NRXN3: variants seen among roughly 807,000 people sequenced by gnomAD.
NRXN3 encodes neurexin 3.
In NRXN3, 32 loss-of-function variants were observed where a neutral mutation model predicts 137.6. The observed-to-expected ratio is 0.23, with a 90% CI of 0.18 to 0.31. The LOEUF (loss-of-function observed/expected upper bound fraction) is 0.31. Ranked by LOEUF, NRXN3 falls within the 10% of genes least tolerant of loss-of-function variation. The pLI is 1.00. For missense variants in NRXN3, 1,574 were observed against 2,062.5 expected (o/e 0.76, Z 4.59); for synonymous variants, 798 against 784.5 (o/e 1.02, Z -0.29).
rs1331134811 is a variant in NRXN3 at position 78,953,756 on chromosome 14, T to TA, written c.2276-3486_2276-3485insA. 4.6e-5 allele frequency among the ~76,000 whole-genome samples: 7 copies of TA among 152,004 alleles called. No individual in the cohort carries two copies. The East Asian group carries it at 1.4e-3, about 29-fold the overall frequency. On this transcript the variant is annotated intron_variant, in intron 10 of 20. Coordinates refer to ENST00000335750, the MANE Select transcript of NRXN3 (RefSeq NM_001330195.2). The stretch of plus-strand genomic sequence containing the variant: ...AGCAGCCTCAAGAGAATCAAAGGAT[T>TA]TTTTTTTGTGATCAATATTTATTAC...
intron 4 of NRXN3, among the ~76,000 whole-genome samples, chr14:78,448,178 C>T (rs1260286848): frequency 3.3e-5 from 5 of 152,208 alleles, no homozygotes; most frequent in African/African-American, 1.2e-4. Context: ...TTATGATCTC[C>T]TTGCACGGTG....
At chr14:79,055,417 G>A (rs2099657307) in intron 15 of NRXN3, among the ~76,000 whole-genome samples, 3 of 152,142 alleles carry the variant, frequency 2.0e-5, no homozygotes, top group South Asian at 4.1e-4. Flanking sequence ...ATCTCGGCTT[G>A]GTAGTGATGG....
chr14:78,357,892 A>G (rs1320940811), intron 4 of NRXN3, among the ~76,000 whole-genome samples: 2 of 152,196 alleles, frequency 1.3e-5, no homozygotes, highest in African/African-American at 4.8e-5. Flanking sequence ...GCTAACTTAG[A>G]TTGAGTGTGT....
intron 3 of NRXN3, among the ~76,000 whole-genome samples, chr14:78,284,773 G>T (rs1191324087): frequency 6.6e-6 from 1 of 152,046 alleles, no homozygotes; most frequent in East Asian, 1.9e-4. Context: ...TGCCCTTTGT[G>T]CTTGCAGTCA....
At chr14:78,900,130 C>T (rs2099190722) in intron 10 of NRXN3, among the ~76,000 whole-genome samples, 1 of 151,974 alleles carries the variant, frequency 6.6e-6, no homozygotes. Flanking sequence ...CATCTATGCC[C>T]ATTTCCATTT....
In NRXN3 at chr14:79,851,460, C is replaced by T. The variant is rs562558846; in HGVS notation, c.4094-9882C>T. The stretch of plus-strand genomic sequence containing the variant: ...AAACCAGAGACTAAAAATCTTGGTA[C>T]GGACTGACCCATGGGGACACATTGC... On this transcript the variant is annotated intron_variant, in intron 20 of 20. Coordinates refer to ENST00000335750, the MANE Select transcript of NRXN3 (RefSeq NM_001330195.2). Among the ~76,000 whole-genome samples, 8 of 152,004 alleles carry T rather than the reference C, an allele frequency of 5.3e-5. No homozygotes were observed. The South Asian group carries it at 8.3e-4, about 16-fold the overall frequency.
In NRXN3 at chr14:78,933,503, T is replaced by A. The variant is rs964292605; in HGVS notation, c.2276-23739T>A. On this transcript the variant is annotated intron_variant, in intron 10 of 20. Coordinates refer to ENST00000335750, the MANE Select transcript of NRXN3 (RefSeq NM_001330195.2). The stretch of plus-strand genomic sequence containing the variant: ...AAACATTGGGGGTTCTCTGCAACTG[T>A]TTTTTATTTTAAGTGGTAAAGTTGC... Among the ~76,000 whole-genome samples the A allele has an allele frequency of 2.0e-5, 3 of 152,344 alleles. No homozygotes were observed. The South Asian group carries it at 6.2e-4, about 32-fold the overall frequency.
chr14:79,451,145 A>G (rs1201297393), intron 15 of NRXN3, among the ~76,000 whole-genome samples: 1 of 147,188 alleles, frequency 6.8e-6, no homozygotes, highest in Non-Finnish European at 1.5e-5. Context: ...ATGTGTCAGG[A>G]GGGGCTCAGC....
At chr14:79,355,290 A>C (rs1599073784) in intron 15 of NRXN3, among the ~76,000 whole-genome samples, 2 of 143,692 alleles carry the variant, frequency 1.4e-5, no homozygotes, top group African/African-American at 2.7e-5. Flanking sequence ...TGTCCCTCCA[A>C]CTCTTCTTCA....
intron 8 of NRXN3, among the ~76,000 whole-genome samples, chr14:78,733,385 T>C (rs1476887592): frequency 6.6e-6 from 1 of 152,154 alleles, no homozygotes; most frequent in Admixed American, 6.6e-5. Context: ...TTTAGACTTA[T>C]ATTTTGTGTT....
In NRXN3 at chr14:79,302,669, C is replaced by A. The variant is rs1231673940; in HGVS notation, c.3263-164552C>A. 1.3e-5 allele frequency among the ~76,000 whole-genome samples: 2 copies of A among 151,856 alleles called. 1 individual carries two copies. Among genetic ancestry groups the A allele is most frequent in the African/African-American group, 4.8e-5 (2 of 41,366 alleles). On this transcript the variant is annotated intron_variant, in intron 15 of 20. Transcript: ENST00000335750. Reference sequence around the variant, plus strand: ...AGGGCAGTTTCCCCCATCCTGTTCTCATGATGGTGAGTTCTCAGGAGGTTT... The same window carrying A: ...AGGGCAGTTTCCCCCATCCTGTTCTAATGATGGTGAGTTCTCAGGAGGTTT...
At chr14:78,187,742 G>A (rs2060355613) in intron 1 of NRXN3, among the ~76,000 whole-genome samples, 1 of 150,316 alleles carries the variant, frequency 6.7e-6, no homozygotes, top group Non-Finnish European at 1.5e-5. Flanking sequence ...AGCTGAAGAA[G>A]TGAGAGTCGG....
At chr14:79,298,831 TA>T (rs1347318056) in intron 15 of NRXN3, 1 of 152,226 alleles carries the variant, frequency 6.6e-6, no homozygotes, top group African/African-American at 2.4e-5. Context: ...GGTGCTACAC[TA>T]AAGAAGAGTT....
At chr14:79,626,613 G>T (rs1256839362) in intron 16 of NRXN3, among the ~76,000 whole-genome samples, 1 of 152,148 alleles carries the variant, frequency 6.6e-6, no homozygotes, top group Non-Finnish European at 1.5e-5. Flanking sequence ...GTGTTGAAGA[G>T]AATGAAATAT....
At chr14:79,853,934 C>A in intron 20 of NRXN3, 1 of 990,080 alleles carries the variant, frequency 1.0e-6, no homozygotes, top group Non-Finnish European at 1.2e-6. Flanking sequence ...AAATTGATGC[C>A]CTCCCAAACC....
chr14:79,433,728 A>G (rs558873328), intron 15 of NRXN3, among the ~76,000 whole-genome samples: 74 of 152,350 alleles, frequency 4.9e-4, no homozygotes, highest in African/African-American at 1.8e-3. Context: ...TTCATAGATG[A>G]TAACACTGGT....
intron 4 of NRXN3, among the ~76,000 whole-genome samples, chr14:78,582,522 A>G (rs1347519882): frequency 3.3e-5 from 5 of 152,182 alleles, no homozygotes; most frequent in Non-Finnish European, 5.9e-5. Context: ...CAAGAGCTCC[A>G]TTTTCATAAA....
chr14:78,534,149 C>T (rs1185880230), intron 4 of NRXN3, among the ~76,000 whole-genome samples: 1 of 152,158 alleles, frequency 6.6e-6, no homozygotes, highest in Non-Finnish European at 1.5e-5. Flanking sequence ...CAAATGACTT[C>T]TAGAAAGTCT....
chr14:78,267,947 A>G (rs902571630), intron 2 of NRXN3, among the ~76,000 whole-genome samples: 5 of 152,188 alleles, frequency 3.3e-5, no homozygotes, highest in Non-Finnish European at 5.9e-5. Flanking sequence ...AATGTTAGCT[A>G]TTTTGAATAG....
Sources: allele counts gnomAD v4.1 joint callset (sites outside exome capture counted in the v4.1 genomes callset), GRCh38; gene constraint gnomAD v4.1.1; transcripts MANE v1.5; gene names NCBI Gene and HGNC (gene_info 2026-07-23, HGNC 2026-07-21).